Variants in DPYSL4 observed in about 807,000 individuals in gnomAD.
The protein encoded by DPYSL4 is dihydropyrimidinase-related protein 4.
Under a neutral mutation model 63.4 loss-of-function variants are expected in DPYSL4, and 43 were observed. The ratio of observed to expected loss-of-function variants is 0.68; its 90% CI spans 0.53 to 0.88. The LOEUF is 0.88. Ranked by LOEUF, DPYSL4 falls within the 40% of genes least tolerant of loss-of-function variation. DPYSL4 has a pLI of 0.00. For missense variants in DPYSL4, 733 were observed against 819.5 expected (o/e 0.89, Z 1.29); for synonymous variants, 353 against 331.7 (o/e 1.06, Z -0.70).
At chr10:132,189,965 C>G (rs930023819) in intron 1 of DPYSL4, among the ~76,000 whole-genome samples, 12 of 152,222 alleles carry the variant, frequency 7.9e-5, no homozygotes, top group African/African-American at 2.9e-4. Flanking sequence ...ATCCCTCGGC[C>G]TCCTCCCAGG....
At chr10:132,201,818 C>G in intron 10 of DPYSL4, 128 bp from the exon 11 acceptor site, 2 of 1,033,400 alleles carry the variant, frequency 1.9e-6, no homozygotes, top group Non-Finnish European at 2.8e-6. Context: ...GGTCCAGCGT[C>G]TGTCCTCACG....
intron 13 of DPYSL4, 143 bp from the exon 14 acceptor site, chr10:132,204,696 T>C: frequency 1.6e-6 from 1 of 617,102 alleles, no homozygotes; most frequent in South Asian, 3.5e-5. Flanking sequence ...CCTGGTCTGC[T>C]TGGCCTTCTG....
chr10:132,198,703 CCA>C, intron 7 of DPYSL4, 146 bp from the exon 8 acceptor site: 2 of 1,290,376 alleles, frequency 1.5e-6, no homozygotes, highest in South Asian at 3.0e-5. Flanking sequence ...GTGGGCAGGC[CCA>C]GGCACTGAGC....
intron 3 of DPYSL4, among the ~76,000 whole-genome samples, chr10:132,193,962 C>T (rs1405029392): frequency 6.6e-6 from 1 of 152,258 alleles, no homozygotes; most frequent in East Asian, 1.9e-4. Flanking sequence ...TCGCGCCCTT[C>T]AGGGGGCGGC....
At chr10:132,191,837 G>GC (rs2061882750) in intron 2 of DPYSL4, among the ~76,000 whole-genome samples, 1 of 93,632 alleles carries the variant, frequency 1.1e-5, no homozygotes, top group African/African-American at 3.8e-5. Context: ...TATCCAGGCA[G>GC]TTGAAAGTAT....
At chr10:132,190,204 A>G (rs1213508545) in intron 1 of DPYSL4, among the ~76,000 whole-genome samples, 1 of 152,254 alleles carries the variant, frequency 6.6e-6, no homozygotes, top group African/African-American at 2.4e-5. Flanking sequence ...GTCTCCCCTC[A>G]GTGGGAGGCA....
chr10:132,198,057 C>A (rs1256115469), intron 6 of DPYSL4, among the ~76,000 whole-genome samples: 1 of 152,224 alleles, frequency 6.6e-6, no homozygotes, highest in Admixed American at 6.5e-5. Context: ...CCATTCCTGA[C>A]CTGCAGAGCC....
intron 7 of DPYSL4, 42 bp downstream of exon 7, chr10:132,198,525 C>T (rs757469699): frequency 5.8e-6 from 9 of 1,547,500 alleles, no homozygotes; most frequent in Non-Finnish European, 7.9e-6. Context: ...GCCAACTCCG[C>T]CCAGACCACT....
intron 4 of DPYSL4, among the ~76,000 whole-genome samples, chr10:132,196,332 C>T (rs1403757210): frequency 6.6e-6 from 1 of 152,218 alleles, no homozygotes; most frequent in Non-Finnish European, 1.5e-5. Flanking sequence ...CCTCATCCTT[C>T]TGCTCGTCCT....
intron 1 of DPYSL4, among the ~76,000 whole-genome samples, chr10:132,190,124 G>A (rs1156605451): frequency 2.6e-5 from 4 of 152,264 alleles, no homozygotes; most frequent in East Asian, 3.9e-4. Flanking sequence ...CTGCCATGGC[G>A]CCCTCACTGT....
rs1411675957 is a variant in DPYSL4 at position 132,195,027 on chromosome 10, G to A, written c.478+18G>A. The A allele has an allele frequency of 6.3e-7, 1 of 1,595,598 alleles. No individual in the cohort carries two copies. Among genetic ancestry groups the A allele is most frequent in the East Asian group, 2.2e-5 (1 of 44,770 alleles). On this transcript the variant is annotated intron_variant, in intron 4 of 13. Transcript: ENST00000338492. ...GGAGAAGGGTGAGGGTGGCTGGAGG[G>A]GCTGGAGGGCGGGCATGGAGCCTGG...
rs545741083 is a variant in DPYSL4, at chr10:132,191,981, G to A, written c.129-677G>A. Among the ~76,000 whole-genome samples the A allele has an allele frequency of 1.1e-4, 16 of 140,044 alleles. No homozygotes were observed. In the South Asian group the frequency reaches 4.2e-3, roughly 37 times the overall value. 91.9% of individuals were successfully genotyped at this position (140,044 alleles called of 152,430 possible). ...TGTTCCCAGCTCGTGTGTACACGCT[G>A]GTCACGTGGTATCCAGGCAGGTGAA... is the stretch of plus-strand genomic sequence containing the variant. On this transcript the variant is annotated intron_variant, in intron 2 of 13. Transcript: ENST00000338492.
intron 12 of DPYSL4, 134 bp from the exon 13 acceptor site, chr10:132,203,628 C>A: frequency 1.2e-6 from 1 of 842,240 alleles, no homozygotes; most frequent in Non-Finnish European, 1.8e-6. Context: ...ATTCCTGAAG[C>A]TGGCACTGGA....
chr10:132,196,875 C>T lies in DPYSL4; in HGVS notation c.493C>T (p.Leu165=), dbSNP rs754517695. 2.9e-5 allele frequency: 47 copies of T among 1,613,680 alleles called. No individual in the cohort carries two copies. The Middle Eastern group carries it at 1.2e-3, about 40-fold the overall frequency. ...LVKEKGVNSF[L]VFMAYKDRCQ... ...CTCTTCTCCAGGTGTGAACTCCTTC[C>T]TGGTCTTCATGGCATACAAGGACCG... The change falls in exon 5 of 14, where the codon CTG becomes TTG. Residue 165 remains leucine, a synonymous_variant. Transcript: ENST00000338492.
intron 8 of DPYSL4, among the ~76,000 whole-genome samples, chr10:132,199,347 A>G (rs1210799164): frequency 1.3e-5 from 2 of 152,030 alleles, no homozygotes; most frequent in African/African-American, 4.8e-5. Flanking sequence ...CCGGGGTGCT[A>G]CCTGCCCACA....
chr10:132,194,294 A>G (rs138553818), intron 3 of DPYSL4, among the ~76,000 whole-genome samples: 75 of 152,352 alleles, frequency 4.9e-4, no homozygotes, highest in African/African-American at 1.8e-3. Flanking sequence ...AGGAGAGGCC[A>G]GTGAGCAGTG....
intron 2 of DPYSL4, among the ~76,000 whole-genome samples, chr10:132,192,023 G>A (rs796208816): frequency 8.9e-6 from 1 of 112,612 alleles, no homozygotes; most frequent in South Asian, 3.7e-4. Flanking sequence ...TTCCCAGCTC[G>A]TGTGTACACG....
Position 132,193,711 on chromosome 10 carries a change from A to G in DPYSL4, c.313+869A>G, listed in dbSNP as rs541777083. Among the ~76,000 whole-genome samples, 5 of 152,342 alleles carry G rather than the reference A, an allele frequency of 3.3e-5. No individual in the cohort carries two copies. The South Asian group carries it at 1.0e-3, about 32-fold the overall frequency. ...TAAACTCAGCTGGCTTTTATAAGTC[A>G]CACTTTGTTGATCTGTAAAACAGAA... On this transcript the variant is annotated intron_variant, in intron 3 of 13. Transcript: ENST00000338492.
At chr10:132,197,152 CAGGGGCTGCCTGTGGGGT>C in intron 6 of DPYSL4, 51 bp downstream of exon 6, 1 of 1,434,740 alleles carries the variant, frequency 7.0e-7, no homozygotes. Flanking sequence ...TGCCGTGGGG[CAGGGGCTGCCTGTGGGGT>C]GGGGCAGGGG....
Sources: allele counts gnomAD v4.1 joint callset (sites outside exome capture counted in the v4.1 genomes callset), GRCh38; gene constraint gnomAD v4.1.1; transcripts MANE v1.5; gene names NCBI Gene and HGNC (gene_info 2026-07-23, HGNC 2026-07-21).